Variants in KIAA1217 observed in about 807,000 individuals in gnomAD.
KIAA1217 encodes KIAA1217.
Under a neutral mutation model 163.9 loss-of-function variants are expected in KIAA1217, and 88 were observed. The observed-to-expected ratio is 0.54, with a 90% CI of 0.45 to 0.64. The LOEUF (loss-of-function observed/expected upper bound fraction) is 0.64, where lower values mean the gene tolerates loss of function less well. Among genes scored for constraint, KIAA1217 ranks in the 30% least tolerant of loss-of-function variants. The pLI is 0.00. For missense variants in KIAA1217, 2,372 were observed against 2,475.0 expected (o/e 0.96, Z 0.88); for synonymous variants, 903 against 923.1 (o/e 0.98, Z 0.39).
chr10:24,440,636 T>G (rs2060420588), intron 5 of KIAA1217, among the ~76,000 whole-genome samples: 1 of 152,208 alleles, frequency 6.6e-6, no homozygotes. Flanking sequence ...AGAGTGGTTC[T>G]GTTCTTACTT....
Position 23,765,698 on chromosome 10 carries a change from C to G in KIAA1217, c.-321+70464C>G, listed in dbSNP as rs1276704343. Among the ~76,000 whole-genome samples, 4 of 152,216 alleles carry G rather than the reference C, an allele frequency of 2.6e-5. No homozygotes were observed. In the East Asian group the frequency reaches 7.8e-4, roughly 29 times the overall value. ...ATGGCTTAAAAGTGTTTGGCAGATC[C>G]CCCGATCAGCGCTCTCCTGCTGTCA... On this transcript the variant is annotated intron_variant, in intron 1 of 18. Coordinates refer to the KIAA1217 transcript ENST00000376462.
Position 24,546,368 on chromosome 10 carries a change from A to T in KIAA1217, c.*44A>T. 1.3e-6 allele frequency: 2 copies of T among 1,523,620 alleles called. No individual in the cohort carries two copies. Among genetic ancestry groups the T allele is most frequent in the Non-Finnish European group, 1.8e-6 (2 of 1,134,958 alleles). 94.4% of individuals were successfully genotyped at this position (1,523,620 alleles called of 1,614,324 possible). ...CACAAGTCGGAGTTACATTTAAAAA[A>T]AATTAACAGTCTACAACAACTGTTT... On this transcript the variant is annotated 3_prime_UTR_variant, in exon 21 of 21. Transcript: ENST00000376454.
intron 2 of KIAA1217, among the ~76,000 whole-genome samples, chr10:24,233,036 G>T (rs1266568646): frequency 6.6e-6 from 1 of 151,770 alleles, no homozygotes; most frequent in Non-Finnish European, 1.5e-5. Context: ...GAGATGGGAG[G>T]ATCATTTGAG....
At chr10:24,032,723 C>G (rs940265040) in intron 2 of KIAA1217, among the ~76,000 whole-genome samples, 6 of 152,118 alleles carry the variant, frequency 3.9e-5, no homozygotes, top group Non-Finnish European at 7.4e-5. Flanking sequence ...ACTAATTAGT[C>G]ATAAGAATAA....
At chr10:24,074,942 G>T (rs1052398873) in intron 2 of KIAA1217, among the ~76,000 whole-genome samples, 2 of 151,792 alleles carry the variant, frequency 1.3e-5, no homozygotes, top group East Asian at 3.9e-4. Context: ...CAGGCAATCC[G>T]CCTGCCTTGG....
At chr10:23,731,011 A>G (rs550621144) in intron 1 of KIAA1217, among the ~76,000 whole-genome samples, 10 of 152,314 alleles carry the variant, frequency 6.6e-5, no homozygotes, top group Admixed American at 2.6e-4. Context: ...TGCATCAGCT[A>G]GCACTTCCAG....
chr10:24,108,404 A>C (rs1564710117), intron 2 of KIAA1217, among the ~76,000 whole-genome samples: 1 of 152,214 alleles, frequency 6.6e-6, no homozygotes, highest in Non-Finnish European at 1.5e-5. Flanking sequence ...GGCTGGAGGG[A>C]AAATTTTTAA....
chr10:23,919,233 G>T (rs1049052340), intron 1 of KIAA1217, among the ~76,000 whole-genome samples: 5 of 150,970 alleles, frequency 3.3e-5, no homozygotes, highest in African/African-American at 1.2e-4. Flanking sequence ...TGAAGCTAGG[G>T]TCATTTTTTT....
intron 1 of KIAA1217, among the ~76,000 whole-genome samples, chr10:23,945,569 A>C (rs934599008): frequency 2.6e-5 from 4 of 152,112 alleles, no homozygotes; most frequent in African/African-American, 7.2e-5. Flanking sequence ...ATTTATCAAA[A>C]CTCAACACAT....
chr10:24,236,977 G>A (rs1230301042), intron 2 of KIAA1217, among the ~76,000 whole-genome samples: 1 of 152,168 alleles, frequency 6.6e-6, no homozygotes, highest in Non-Finnish European at 1.5e-5. Flanking sequence ...CTATAAAACA[G>A]GTTTGTTGAA....
chr10:23,751,604 A>G (rs1839743501), intron 1 of KIAA1217, among the ~76,000 whole-genome samples: 2 of 152,278 alleles, frequency 1.3e-5, no homozygotes, highest in African/African-American at 4.8e-5. Context: ...ATTAAAAAAA[A>G]AAGAAATTTC....
At chr10:24,413,534 A>G (rs967262296) in intron 3 of KIAA1217, among the ~76,000 whole-genome samples, 2 of 152,166 alleles carry the variant, frequency 1.3e-5, no homozygotes, top group African/African-American at 4.8e-5. Flanking sequence ...ACCTCTGCTC[A>G]TAATCCTCTG....
chr10:24,191,653 C>G (rs1457193870), intron 2 of KIAA1217, among the ~76,000 whole-genome samples: 1 of 152,118 alleles, frequency 6.6e-6, no homozygotes, highest in African/African-American at 2.4e-5. Flanking sequence ...TAGGATCAAG[C>G]CTGGAGGCAG....
intron 3 of KIAA1217, among the ~76,000 whole-genome samples, chr10:24,399,734 T>C (rs966419803): frequency 2.0e-5 from 3 of 152,192 alleles, no homozygotes; most frequent in African/African-American, 7.2e-5. Flanking sequence ...ACAGAAATTA[T>C]GCTAATAGGA....
intron 2 of KIAA1217, among the ~76,000 whole-genome samples, chr10:24,254,532 A>G (rs1298996902): frequency 6.6e-6 from 1 of 152,194 alleles, no homozygotes; most frequent in African/African-American, 2.4e-5. Flanking sequence ...GTGGTTCCTA[A>G]GCATTTGGAT....
chr10:23,807,789 A>G (rs1836811909), intron 1 of KIAA1217, among the ~76,000 whole-genome samples: 1 of 152,198 alleles, frequency 6.6e-6, no homozygotes, highest in African/African-American at 2.4e-5. Flanking sequence ...ACTCAGAGGC[A>G]GGGCAGTGAG....
intron 2 of KIAA1217, among the ~76,000 whole-genome samples, chr10:24,354,991 C>T (rs2048905080): frequency 6.6e-6 from 1 of 152,226 alleles, no homozygotes; most frequent in African/African-American, 2.4e-5. Flanking sequence ...AAACATTTTT[C>T]TCCCAGTAAA....
chr10:23,839,219 ATCTT>A (rs1247221306), intron 1 of KIAA1217, among the ~76,000 whole-genome samples: 1 of 151,884 alleles, frequency 6.6e-6, no homozygotes, highest in Non-Finnish European at 1.5e-5. Context: ...ATTTCTTGCT[ATCTT>A]TCTTTTCTTG....
At chr10:23,820,469 A>G (rs964208492) in intron 1 of KIAA1217, among the ~76,000 whole-genome samples, 4 of 152,202 alleles carry the variant, frequency 2.6e-5, no homozygotes, top group African/African-American at 9.6e-5. Context: ...CTATATATCC[A>G]TGAGGGCAAA....
Sources: gnomAD v4.1 joint callset for allele counts (sites outside exome capture counted in the v4.1 genomes callset) on GRCh38, gnomAD v4.1.1 for gene constraint, MANE v1.5 for transcripts, NCBI Gene and HGNC (gene_info 2026-07-23, HGNC 2026-07-21) for gene names.